Variants in DOCK7 observed in about 807,000 individuals in gnomAD.
The protein encoded by DOCK7 is dedicator of cytokinesis protein 7.
Under a neutral mutation model 271.0 loss-of-function variants are expected in DOCK7, and 138 were observed. That is an observed-to-expected ratio of 0.51 (90% CI 0.44 to 0.59). The LOEUF is 0.59. DOCK7 is among the 20% of genes least tolerant of loss of function. DOCK7 has a pLI of 0.00. For missense variants in DOCK7, 2,066 were observed against 2,592.4 expected (o/e 0.80, Z 4.41); for synonymous variants, 823 against 876.1 (o/e 0.94, Z 1.07).
chr1:62,637,437 A>T (rs997322453), intron 7 of DOCK7, among the ~76,000 whole-genome samples: 1 of 151,152 alleles, frequency 6.6e-6, no homozygotes, highest in Admixed American at 6.6e-5. Flanking sequence ...ACATTTGGCA[A>T]TACCTACATA....
intron 22 of DOCK7, among the ~76,000 whole-genome samples, chr1:62,547,581 T>C (rs902929368): frequency 6.6e-6 from 1 of 152,282 alleles, no homozygotes; most frequent in South Asian, 2.1e-4. Context: ...TAGCACACAG[T>C]AAGCTCTCAG....
At chr1:62,670,315 C>T (rs1404680178) in intron 1 of DOCK7, among the ~76,000 whole-genome samples, 1 of 152,258 alleles carries the variant, frequency 6.6e-6, no homozygotes, top group Non-Finnish European at 1.5e-5. Flanking sequence ...ACCTGCAGCC[C>T]TGGTGCGGGA....
chr1:62,516,105 A>T (rs967735488), intron 31 of DOCK7, among the ~76,000 whole-genome samples: 9 of 152,198 alleles, frequency 5.9e-5, no homozygotes, highest in African/African-American at 2.2e-4. Context: ...TAAATACAAA[A>T]TGTTTAAAAC....
chr1:62,471,598 G>T (rs1409926172), intron 48 of DOCK7, among the ~76,000 whole-genome samples: 2 of 152,212 alleles, frequency 1.3e-5, no homozygotes, highest in East Asian at 3.8e-4. Context: ...AGGCTGCAGT[G>T]AGTTGTGATT....
rs1229474079 is a variant in DOCK7, at chr1:62,529,435, A to G, written c.3623T>C (p.Leu1208Ser). ...LDPDAEGLFG[L>S]HKKVINMVHN... is the part of the protein sequence containing the mutation. ...TACCATATTGATGACTTTCTTATGCAATCCAAACAGTCTATTTAAAAAGAA... is the reference window on the plus strand; with the variant it reads ...TACCATATTGATGACTTTCTTATGCGATCCAAACAGTCTATTTAAAAAGAA... Residue 1208 changes from leucine to serine, a missense_variant, in exon 30 of 50, where the codon TTG becomes TCG. Coordinates refer to ENST00000635253, the MANE Select transcript of DOCK7 (RefSeq NM_001367561.1). 6.2e-7 allele frequency: 1 copy of G among 1,608,228 alleles called. No homozygotes were observed. Among genetic ancestry groups the G allele is most frequent in the East Asian group, 2.2e-5 (1 of 44,730 alleles).
At chr1:62,597,176 C>T (rs1293251641) in intron 14 of DOCK7, among the ~76,000 whole-genome samples, 2 of 151,954 alleles carry the variant, frequency 1.3e-5, no homozygotes, top group African/African-American at 4.8e-5. Context: ...TTACTTTTTT[C>T]CCCTCAACTT....
rs376514981 is a variant in DOCK7 at position 62,474,092 on chromosome 1, C to A, written c.6106-4G>T. On this transcript the variant is annotated splice_polypyrimidine_tract_variant and splice_region_variant and intron_variant, in intron 47 of 49. Transcript: ENST00000635253. The stretch of plus-strand genomic sequence containing the variant: ...CCTGGGCAACTTCCAAAGGCCCCTG[C>A]AAAATAAGAAAATAAGAAGTGTGTT... 13 of 1,607,690 alleles carry A rather than the reference C, an allele frequency of 8.1e-6. No homozygotes were observed. The African/African-American group carries it at 1.2e-4, about 15-fold the overall frequency.
intron 25 of DOCK7, among the ~76,000 whole-genome samples, chr1:62,541,809 T>C (rs1292544999): frequency 6.6e-6 from 1 of 152,186 alleles, no homozygotes; most frequent in Non-Finnish European, 1.5e-5. Flanking sequence ...TTCATATATA[T>C]GTATTTATTA....
intron 48 of DOCK7, among the ~76,000 whole-genome samples, chr1:62,462,540 G>T (rs1645560354): frequency 6.6e-6 from 1 of 152,116 alleles, no homozygotes; most frequent in Non-Finnish European, 1.5e-5. Flanking sequence ...CAGAAAGAAA[G>T]AAATTTATAA....
At chr1:62,564,752 A>G (rs945566849) in intron 18 of DOCK7, among the ~76,000 whole-genome samples, 3 of 152,180 alleles carry the variant, frequency 2.0e-5, no homozygotes, top group Non-Finnish European at 2.9e-5. Context: ...AAAAAAATCA[A>G]TGAATCCAGG....
At chr1:62,603,751 C>CA (rs1418383583) in intron 14 of DOCK7, among the ~76,000 whole-genome samples, 1 of 151,726 alleles carries the variant, frequency 6.6e-6, no homozygotes, top group Admixed American at 6.6e-5. Flanking sequence ...AAAGGATAAT[C>CA]AGACTTTCAG....
At chr1:62,625,066 T>C (rs576173717) in intron 12 of DOCK7, 193 bp downstream of exon 12, 33 of 441,728 alleles carry the variant, frequency 7.5e-5, no homozygotes, top group Non-Finnish European at 1.2e-4. Context: ...TAAATAAATA[T>C]AATGCTAAAA....
At chr1:62,469,963 G>A (rs1449807140) in intron 48 of DOCK7, among the ~76,000 whole-genome samples, 1 of 151,338 alleles carries the variant, frequency 6.6e-6, no homozygotes, top group Admixed American at 6.6e-5. Flanking sequence ...GAATACTTCT[G>A]CACTGTTGGT....
intron 15 of DOCK7, chr1:62,584,731 C>T: frequency 1.0e-6 from 1 of 957,584 alleles, no homozygotes; most frequent in Non-Finnish European, 1.6e-6. Flanking sequence ...TCGTCCCTGC[C>T]CTCAAGGAGC....
intron 31 of DOCK7, among the ~76,000 whole-genome samples, chr1:62,517,003 A>G (rs533901999): frequency 6.6e-6 from 1 of 152,342 alleles, no homozygotes; most frequent in African/African-American, 2.4e-5. Flanking sequence ...TCTCCAGAAG[A>G]CTGGCCCTTA....
intron 15 of DOCK7, among the ~76,000 whole-genome samples, chr1:62,586,112 A>G (rs930666872): frequency 2.6e-5 from 4 of 152,148 alleles, no homozygotes; most frequent in Non-Finnish European, 5.9e-5. Flanking sequence ...CCACCTCCTT[A>G]GCTGGCCTTA....
intron 1 of DOCK7, among the ~76,000 whole-genome samples, chr1:62,680,914 G>A (rs1211104658): frequency 6.6e-6 from 1 of 152,154 alleles, no homozygotes; most frequent in Non-Finnish European, 1.5e-5. Context: ...TGGAGAAATA[G>A]GAACACTTTT....
At chr1:62,507,929 C>T (rs764655089) in intron 35 of DOCK7, 33 bp downstream of exon 35, 36 of 1,590,280 alleles carry the variant, frequency 2.3e-5, no homozygotes, top group East Asian at 1.8e-4. Flanking sequence ...TTACCAAATC[C>T]GTATTTTAAA....
rs140666083 is a variant in DOCK7, at chr1:62,473,566, C to A, written c.6212+416G>T. On this transcript the variant is annotated intron_variant, in intron 48 of 49. Transcript: ENST00000635253. ...ACAGATTACTTATTATTGTCAACCG[C>A]TTTTCTGTTTTTTTGTTTTCTCTCT... 8.4e-4 allele frequency among the ~76,000 whole-genome samples: 128 copies of A among 152,048 alleles called. 2 individuals are homozygous for A. The East Asian group carries it at 0.024, about 28-fold the overall frequency.
Sources: gnomAD v4.1 joint callset for allele counts (sites outside exome capture counted in the v4.1 genomes callset) on GRCh38, gnomAD v4.1.1 for gene constraint, MANE v1.5 for transcripts, NCBI Gene and HGNC (gene_info 2026-07-23, HGNC 2026-07-21) for gene names.